OSMR: variants seen among roughly 807,000 people sequenced by gnomAD.
OSMR encodes oncostatin-M-specific receptor subunit beta.
OSMR carries 81 observed loss-of-function variants against 99.9 expected under a neutral mutation model. The observed-to-expected ratio is 0.81, with a 90% CI of 0.68 to 0.97. OSMR has a LOEUF of 0.97. Among genes scored for constraint, OSMR ranks in the 50% least tolerant of loss-of-function variants. OSMR has a pLI of 0.00. For synonymous variants in OSMR, 406 were observed against 410.4 expected, an observed-to-expected ratio of 0.99 and a Z score of 0.13; for missense variants, 1,099 against 1,153.4, an observed-to-expected ratio of 0.95 and a Z score of 0.68.
intron 7 of OSMR, among the ~76,000 whole-genome samples, chr5:38,901,083 T>C (rs1335536736): frequency 2.0e-5 from 3 of 152,186 alleles, no homozygotes; most frequent in African/African-American, 7.2e-5. Context: ...CAGCAAGATA[T>C]GGTGAGTAAG....
At chr5:38,916,631 T>C (rs1323948328) in intron 9 of OSMR, among the ~76,000 whole-genome samples, 1 of 152,096 alleles carries the variant, frequency 6.6e-6, no homozygotes, top group Admixed American at 6.6e-5. Flanking sequence ...GTACCCAGAG[T>C]TGGCTTGGAT....
rs528496507 is a variant in OSMR at position 38,924,460 on chromosome 5, A to G, written c.1909A>G (p.Thr637Ala). 1 of 1,613,984 alleles carries G rather than the reference A, an allele frequency of 6.2e-7. No homozygotes were observed. The highest frequency in any genetic ancestry group is 1.3e-5 in the African/African-American group (1 of 75,026). Reference sequence around the variant, plus strand: ...CCCTCACGTGCTGGTGGATACATTGACATCCCACTCCTTCACTCTGAGTTG... The same window carrying G: ...CCCTCACGTGCTGGTGGATACATTGGCATCCCACTCCTTCACTCTGAGTTG... Reference protein sequence around the residue: ...DNPHVLVDTLTSHSFTLSWKD... With the variant: ...DNPHVLVDTLASHSFTLSWKD... The change falls in exon 14 of 18, where the codon ACA becomes GCA. Residue 637 changes from threonine (T) to alanine (A), a missense_variant. Transcript: ENST00000274276.
intron 16 of OSMR, 123 bp from the exon 17 acceptor site, chr5:38,932,340 A>G (rs909934149): frequency 5.4e-6 from 4 of 744,156 alleles, no homozygotes; most frequent in African/African-American, 5.2e-5. Flanking sequence ...TGGAAGAATT[A>G]AGTAACTTGC....
intron 1 of OSMR, chr5:38,868,789 A>G (rs1343579650): frequency 6.5e-6 from 1 of 153,452 alleles, no homozygotes; most frequent in Non-Finnish European, 1.4e-5. Context: ...AAACTGGCAC[A>G]CCATCCTACC....
At chr5:38,943,138 C>T (rs1579851817) in intron 1 of OSMR, 3 of 447,450 alleles carry the variant, frequency 6.7e-6, no homozygotes, top group Non-Finnish European at 7.8e-6. Flanking sequence ...CTGTCACACA[C>T]TTAGACATTC....
At chr5:38,912,506 A>C (rs746567194) in intron 9 of OSMR, among the ~76,000 whole-genome samples, 1 of 152,206 alleles carries the variant, frequency 6.6e-6, no homozygotes, top group Non-Finnish European at 1.5e-5. Flanking sequence ...CCCCAAAGCA[A>C]TTTACAGATT....
At position 38,943,553 on chromosome 5, in the gene OSMR, C is replaced by A. The variant is rs141801170; in HGVS notation, c.75-648C>A. 5.7e-3 allele frequency among the ~76,000 whole-genome samples: 874 copies of A among 152,244 alleles called. 2 individuals carry two copies. The highest frequency in any genetic ancestry group is 8.6e-3 in the Non-Finnish European group (583 of 68,010). On this transcript the variant is annotated intron_variant and NMD_transcript_variant, in intron 1 of 2. Coordinates refer to the OSMR transcript ENST00000508882. ...AGCTGGCTGGGCACGGTGGCTCATG[C>A]CTGTAATCCCAGCACTTTGGGAGGC...
intron 1 of OSMR, among the ~76,000 whole-genome samples, chr5:38,863,433 A>G (rs556908191): frequency 6.6e-6 from 1 of 152,088 alleles, no homozygotes; most frequent in South Asian, 2.1e-4. Context: ...GCTGCTCAGG[A>G]GGCTGAGGCA....
At chr5:38,921,968 A>C (rs1052081710) in intron 12 of OSMR, among the ~76,000 whole-genome samples, 174 bp downstream of exon 12, 2 of 152,186 alleles carry the variant, frequency 1.3e-5, no homozygotes, top group African/African-American at 2.4e-5. Context: ...CTAAAACTTG[A>C]CCTTTAAATC....
At chr5:38,940,756 T>G (rs443039) in intron 1 of OSMR, 8,951 of 232,324 alleles carry the variant, frequency 0.039, 349 homozygotes, top group African/African-American at 0.11. Flanking sequence ...AACTTTCAGT[T>G]CCAGTAAATA....
At chr5:38,915,203 C>A (rs1158290944) in intron 9 of OSMR, among the ~76,000 whole-genome samples, 1 of 152,172 alleles carries the variant, frequency 6.6e-6, no homozygotes, top group Non-Finnish European at 1.5e-5. Flanking sequence ...GTTAAAGTAG[C>A]ACTCAGGTGA....
At position 38,925,340 on chromosome 5, in the gene OSMR, G is replaced by A. The variant is rs761487700; in HGVS notation, c.2181G>A (p.Thr727=). ...GTGCTGGTGAAGGCCCCAGTGCTAC[G>A]TTCACGAAGGTCACGACTCCGGATG... is the stretch of plus-strand genomic sequence containing the variant. ...FTSAGEGPSA[T]FTKVTTPDEH... Residue 727 remains threonine (T), a synonymous_variant, in exon 15 of 18, where the codon ACG becomes ACA. Coordinates refer to ENST00000274276, the MANE Select transcript of OSMR (RefSeq NM_003999.3). The A allele has an allele frequency of 2.1e-5, 34 of 1,613,934 alleles. No homozygotes were observed. The highest frequency in any genetic ancestry group is 1.1e-4 in the East Asian group (5 of 44,880).
In OSMR at chr5:38,861,438, G is replaced by A. The variant is rs375094538; in HGVS notation, c.-13-7594G>A. Among the ~76,000 whole-genome samples the A allele has an allele frequency of 3.9e-5, 6 of 152,176 alleles. No individual in the cohort carries two copies. In the South Asian group the frequency reaches 1.2e-3, roughly 32 times the overall value. ...TGTTTCAGAGAGCACAGGGTTGGGG[G>A]TAAGGTCACCGATCAACAGGATCCC... On this transcript the variant is annotated intron_variant, in intron 1 of 17. Coordinates refer to ENST00000274276, the MANE Select transcript of OSMR (RefSeq NM_003999.3).
chr5:38,849,670 A>G (rs1235566802), intron 1 of OSMR, among the ~76,000 whole-genome samples: 2 of 152,146 alleles, frequency 1.3e-5, no homozygotes, highest in Non-Finnish European at 2.9e-5. Flanking sequence ...ATTGTTAGCA[A>G]TTTTTAATGC....
intron 7 of OSMR, among the ~76,000 whole-genome samples, chr5:38,902,770 G>C (rs1199494576): frequency 6.6e-6 from 1 of 152,174 alleles, no homozygotes; most frequent in Non-Finnish European, 1.5e-5. Flanking sequence ...CATTGTGCAT[G>C]CTGGTTCCCT....
chr5:38,929,147 T>C (rs1207252948), intron 15 of OSMR, among the ~76,000 whole-genome samples: 1 of 151,972 alleles, frequency 6.6e-6, no homozygotes, highest in Non-Finnish European at 1.5e-5. Flanking sequence ...TAGATGGGAG[T>C]AAAAAATACC....
chr5:38,850,590 C>G (rs762340920), intron 1 of OSMR, among the ~76,000 whole-genome samples: 1 of 152,004 alleles, frequency 6.6e-6, no homozygotes, highest in Admixed American at 6.6e-5. Flanking sequence ...TTAATGTCAA[C>G]TAAAGAAAAG....
In OSMR at chr5:38,884,109, CAAGT is replaced by C; in HGVS notation, c.703+3_703+6del. 1 of 1,610,642 alleles carries C rather than the reference CAAGT, an allele frequency of 6.2e-7. No homozygotes were observed. ...ATGAAAGGCATCGTTCTTTTTGTCT[CAAGT>C]AAGTGTGCAAATTCTCTGTGGCCCT... On this transcript the variant is annotated splice_donor_variant and coding_sequence_variant, in exon 5 of 18. Transcript: ENST00000274276. LOFTEE classifies it high-confidence loss of function.
Position 38,876,279 on chromosome 5 carries a change from A to C in OSMR, c.152A>C (p.Gln51Pro), listed in dbSNP as rs764482103. The C allele has an allele frequency of 1.3e-5, 21 of 1,613,552 alleles. No individual in the cohort carries two copies. The Admixed American group carries it at 2.7e-4, about 20-fold the overall frequency. ...TNSTRQSLHL[Q>P]WTVHNLPYHQ... The stretch of plus-strand genomic sequence containing the variant: ...TCTACGCGTCAGAGTTTGCACTTAC[A>C]ATGGACTGTCCACAACCTTCCTTAT... The change falls in exon 3 of 18, where the codon CAA (glutamine) becomes CCA (proline). Residue 51 changes from glutamine to proline, a missense_variant. Gln to Pro is a moderately conservative substitution (Grantham distance 76, BLOSUM62 -1). Transcript: ENST00000274276.
Sources: allele counts gnomAD v4.1 joint callset (sites outside exome capture counted in the v4.1 genomes callset), GRCh38; gene constraint gnomAD v4.1.1; transcripts MANE v1.5; gene names NCBI Gene and HGNC (gene_info 2026-07-23, HGNC 2026-07-21).